The following INTS10 variants were observed in gnomAD, a reference collection of about 807,000 sequenced individuals.
INTS10 encodes chromosome 8 open reading frame 35.
In INTS10, 44 loss-of-function variants were observed where a neutral mutation model predicts 94.4. The observed-to-expected ratio is 0.47, with a 90% CI of 0.37 to 0.60. The LOEUF is 0.60. INTS10 is among the 20% of genes least tolerant of loss of function. The pLI is 0.00. For synonymous variants in INTS10, 341 were observed against 320.7 expected (o/e 1.06, Z -0.68); for missense variants, 797 against 868.7 (o/e 0.92, Z 1.04).
rs111362410 is a variant in INTS10, at chr8:19,833,337, A to G, written c.1530+16A>G. 3 of 1,525,300 alleles carry G rather than the reference A, an allele frequency of 2.0e-6. No individual in the cohort carries two copies. The highest frequency in any genetic ancestry group is 2.8e-5 in the African/African-American group (2 of 70,888). The allele number at this position is 1,525,300 out of a possible 1,614,324, so 94.5% of individuals were successfully genotyped here. On this transcript the variant is annotated intron_variant, in intron 12 of 16. Coordinates refer to ENST00000397977, the MANE Select transcript of INTS10 (RefSeq NM_018142.4). Reference sequence around the variant, plus strand: ...GGAGTACAGAGTGAGTACTGCACACATACATGCCTGCCGCAGGTGCACGGG... The same window carrying G: ...GGAGTACAGAGTGAGTACTGCACACGTACATGCCTGCCGCAGGTGCACGGG...
intron 13 of INTS10, chr8:19,837,453 T>C: frequency 4.1e-6 from 1 of 243,100 alleles, no homozygotes; most frequent in Non-Finnish European, 7.9e-6. Context: ...CCTTTCCAAG[T>C]TTTTCCTTGG....
At position 19,822,501 on chromosome 8, in the gene INTS10, C is replaced by T. The variant is rs777287988; in HGVS notation, c.504C>T (p.Asn168=). 15 of 1,606,450 alleles carry T rather than the reference C, an allele frequency of 9.3e-6. No individual in the cohort carries two copies. The highest frequency in any genetic ancestry group is 1.1e-5 in the Non-Finnish European group (13 of 1,173,376). ...TTGAAGAACAAGAATCTCCAGTGAA[C>T]TGCTTTAGAAAATTATTTGGTAAGG... ...ETIEEQESPV[N]CFRKLFVCDV... is the part of the protein sequence containing the mutation. Residue 168 remains asparagine (N), a synonymous_variant, in exon 5 of 17, where the codon AAC becomes AAT. Transcript: ENST00000397977.
chr8:19,829,401 C>T (rs977203227), intron 9 of INTS10, among the ~76,000 whole-genome samples: 13 of 151,650 alleles, frequency 8.6e-5, no homozygotes, highest in Admixed American at 5.3e-4. Context: ...CTCTACCCAG[C>T]GGTATTTCCA....
rs1054416884 is a variant in INTS10 at position 19,819,738 on chromosome 8, C to G, written c.301+62C>G. The G allele has an allele frequency of 2.3e-6, 3 of 1,314,274 alleles. No individual in the cohort carries two copies. The South Asian group carries it at 3.8e-5, about 16-fold the overall frequency. The allele number at this position is 1,314,274 out of a possible 1,614,324, so 81.4% of individuals were successfully genotyped here. A position where few individuals can be genotyped will look rare whatever the true frequency, so the allele number is the denominator to read the frequency against. On this transcript the variant is annotated intron_variant, in intron 3 of 16. Transcript: ENST00000397977. ...TACCAAATCATATATAGTAATTTCA[C>G]ACACAAAAAAGTCACACCTGGGGTA...
At chr8:19,844,034 A>G (rs1033295689) in intron 14 of INTS10, 42 bp from the exon 15 acceptor site, 7 of 1,502,556 alleles carry the variant, frequency 4.7e-6, no homozygotes, top group Admixed American at 4.3e-5. Context: ...TTACCCTGTG[A>G]CTTCCTTTTC....
Position 19,837,096 on chromosome 8 carries a change from C to T in INTS10, c.1575C>T (p.Leu525=). ...TTGATTTGATGTGCTACATGGTACT[C>T]CCCATTCAAGATGGAGGCAAATCCC... ...KVLDLMCYMV[L]PIQDGGKSQE... Residue 525 remains leucine, a synonymous_variant, in exon 13 of 17, where the codon CTC becomes CTT. Coordinates refer to ENST00000397977, the MANE Select transcript of INTS10 (RefSeq NM_018142.4). 6.2e-7 allele frequency: 1 copy of T among 1,613,886 alleles called. No homozygotes were observed. Among genetic ancestry groups the T allele is most frequent in the South Asian group, 1.1e-5 (1 of 91,078 alleles).
Position 19,847,203 on chromosome 8 carries a change from G to C in INTS10, c.1976+1406G>C, listed in dbSNP as rs558505695. Among the ~76,000 whole-genome samples the C allele has an allele frequency of 4.6e-5, 7 of 152,280 alleles. No individual in the cohort carries two copies. In the East Asian group the frequency reaches 1.3e-3, roughly 29 times the overall value. ...TGGTTTTTTCTCCTTCATCTTATAA[G>C]TGTTATTAAATTATAAACTTTTAAA... On this transcript the variant is annotated intron_variant, in intron 16 of 16. Coordinates refer to ENST00000397977, the MANE Select transcript of INTS10 (RefSeq NM_018142.4).
At chr8:19,841,186 C>T (rs2068095527) in intron 13 of INTS10, among the ~76,000 whole-genome samples, 1 of 151,958 alleles carries the variant, frequency 6.6e-6, no homozygotes, top group African/African-American at 2.4e-5. Flanking sequence ...TAAAAAACGA[C>T]AATAAAAAAA....
chr8:19,843,071 C>G lies in INTS10; in HGVS notation c.1719+144C>G. On this transcript the variant is annotated intron_variant, in intron 14 of 16. Coordinates refer to ENST00000397977, the MANE Select transcript of INTS10 (RefSeq NM_018142.4). The surrounding 1 kb of genome is among the most constrained non-coding windows in gnomAD (Gnocchi z 4.7). ...AACAGTTAGAAAAGCACATGGGCTA[C>G]TAATTAACAAATCTATATTAAATAA... 2 of 612,182 alleles carry G rather than the reference C, an allele frequency of 3.3e-6. No individual in the cohort carries two copies. Among genetic ancestry groups the G allele is most frequent in the Admixed American group, 2.9e-5 (1 of 34,360 alleles). The allele number at this position is 612,182 out of a possible 1,614,324, so 37.9% of individuals were successfully genotyped here.
intron 11 of INTS10, 85 bp from the exon 12 acceptor site, chr8:19,833,084 C>G: frequency 8.1e-7 from 1 of 1,232,240 alleles, no homozygotes; most frequent in Non-Finnish European, 1.1e-6. Context: ...TTGCTCGTTG[C>G]TTCGTGAACC....
chr8:19,825,627 A>T (rs1012401249), intron 8 of INTS10, among the ~76,000 whole-genome samples: 2 of 152,186 alleles, frequency 1.3e-5, no homozygotes, highest in East Asian at 1.9e-4. Context: ...TATCCATTTT[A>T]TATATAGAGA....
rs111362410 is a variant in INTS10 at position 19,833,337 on chromosome 8, A to C, written c.1530+16A>C. The C allele has an allele frequency of 1.4e-5, 22 of 1,525,424 alleles. No individual in the cohort carries two copies. Among genetic ancestry groups the C allele is most frequent in the Middle Eastern group, 3.5e-4 (2 of 5,700 alleles). 94.5% of individuals were successfully genotyped at this position (1,525,424 alleles called of 1,614,324 possible). A position where few individuals can be genotyped will look rare whatever the true frequency, so the allele number is the denominator to read the frequency against. The stretch of plus-strand genomic sequence containing the variant: ...GGAGTACAGAGTGAGTACTGCACAC[A>C]TACATGCCTGCCGCAGGTGCACGGG... On this transcript the variant is annotated intron_variant, in intron 12 of 16. Coordinates refer to ENST00000397977, the MANE Select transcript of INTS10 (RefSeq NM_018142.4).
Position 19,849,139 on chromosome 8 carries a change from C to T in INTS10, c.1977-2510C>T. On this transcript the variant is annotated intron_variant, in intron 16 of 16. Coordinates refer to ENST00000397977, the MANE Select transcript of INTS10 (RefSeq NM_018142.4). This position sits in a 1 kb window ranked among gnomAD's most constrained non-coding sequence, Gnocchi z 4.6. ...GTGAGTCGGTGTGGGTGTTTGAATG[C>T]TGCTGTTTGCTGTTTTTTAAAGGCC... 8.1e-7 allele frequency: 1 copy of T among 1,240,210 alleles called. No homozygotes were observed. The highest frequency in any genetic ancestry group is 1.1e-6 in the Non-Finnish European group (1 of 943,580). 76.8% of individuals were successfully genotyped at this position (1,240,210 alleles called of 1,614,324 possible). A position where few individuals can be genotyped will look rare whatever the true frequency, so the allele number is the denominator to read the frequency against.
At chr8:19,822,391 C>T in intron 4 of INTS10, 48 bp from the exon 5 acceptor site, 1 of 1,144,466 alleles carries the variant, frequency 8.7e-7, no homozygotes, top group Non-Finnish European at 1.3e-6. Context: ...ATAGTTCTGA[C>T]AACTTATGCT....
intron 8 of INTS10, among the ~76,000 whole-genome samples, chr8:19,825,316 A>C (rs1214538966): frequency 1.3e-5 from 2 of 152,210 alleles, no homozygotes; most frequent in Non-Finnish European, 2.9e-5. Context: ...ACTTGAGGTC[A>C]GGAGTTTGAG....
At position 19,823,685 on chromosome 8, in the gene INTS10, A is replaced by G. The variant is rs1434186274; in HGVS notation, c.665-188A>G. Among the ~76,000 whole-genome samples the G allele has an allele frequency of 2.0e-5, 3 of 152,280 alleles. No individual in the cohort carries two copies. The South Asian group carries it at 6.2e-4, about 32-fold the overall frequency. On this transcript the variant is annotated intron_variant, in intron 6 of 16. Transcript: ENST00000397977. ...TTGCATGGAACATTACAAATGTACC[A>G]TGATGAAGTAGTGGAAATTACTTCT...
intron 13 of INTS10, chr8:19,841,701 A>G (rs1228791696): frequency 9.7e-6 from 4 of 410,966 alleles, no homozygotes; most frequent in East Asian, 7.2e-5. Flanking sequence ...AAGTCATGCA[A>G]CCATTCTGGA....
intron 13 of INTS10, among the ~76,000 whole-genome samples, chr8:19,839,707 C>G (rs1241780922): frequency 6.6e-6 from 1 of 151,124 alleles, no homozygotes; most frequent in Non-Finnish European, 1.5e-5. Flanking sequence ...TCTCAAAAAA[C>G]AAAAACAAAA....
chr8:19,819,545 T>C (rs2066203584), intron 2 of INTS10, 28 bp from the exon 3 acceptor site: 1 of 1,533,960 alleles, frequency 6.5e-7, no homozygotes, highest in African/African-American at 1.4e-5. Context: ...TTTGACATTT[T>C]AATTTAATGT....
Sources: allele counts gnomAD v4.1 joint callset (sites outside exome capture counted in the v4.1 genomes callset), GRCh38; gene constraint gnomAD v4.1.1; non-coding constraint Gnocchi (gnomAD v3.1); transcripts MANE v1.5; gene names NCBI Gene and HGNC (gene_info 2026-07-23, HGNC 2026-07-21).